CYGB: variants seen among roughly 807,000 people sequenced by gnomAD.
CYGB encodes the protein cytoglobin.
A neutral mutation model predicts 20.7 loss-of-function variants in CYGB; 13 were observed. That is an observed-to-expected ratio of 0.63 (90% CI 0.41 to 1.00). The LOEUF (loss-of-function observed/expected upper bound fraction) is 1.00. CYGB is among the 50% of genes least tolerant of loss of function. The probability of loss-of-function intolerance (pLI) is 0.00; values close to 1 mark genes in which losing one functional copy is unlikely to be tolerated. For missense variants in CYGB, 218 were observed against 257.2 expected (o/e 0.85, Z 1.04); for synonymous variants, 93 against 107.4 (o/e 0.87, Z 0.83).
upstream of CYGB, chr17:76,542,674 C>A (rs2143161988): frequency 1.5e-6 from 2 of 1,340,958 alleles, no homozygotes; most frequent in Non-Finnish European, 2.1e-6. Flanking sequence ...GAGGGCAAGG[C>A]TTGGGACAGG....
rs1219506531 is a variant in CYGB at position 76,546,153 on chromosome 17, C to G, written c.-53+4709G>C. 6.6e-6 allele frequency: 1 copy of G among 152,350 alleles called. No individual in the cohort carries two copies. The highest frequency in any genetic ancestry group is 1.5e-5 in the Non-Finnish European group (1 of 68,186). The allele number at this position is 152,350 out of a possible 1,614,324, so 9.4% of individuals were successfully genotyped here. On this transcript the variant is annotated intron_variant, in intron 1 of 3. Coordinates refer to the CYGB transcript ENST00000589145. The surrounding 1 kb of genome is among the most constrained non-coding windows in gnomAD (Gnocchi z 4.5). Reference sequence around the variant, plus strand: ...TGTGGTACCTTCCTCCGTGTGAATGCTAATATCTCTGCTGGGGGAGCCTGA... The same window carrying G: ...TGTGGTACCTTCCTCCGTGTGAATGGTAATATCTCTGCTGGGGGAGCCTGA...
upstream of CYGB, chr17:76,538,501 C>G (rs532445018): frequency 2.1e-6 from 1 of 466,652 alleles, no homozygotes; most frequent in Admixed American, 2.4e-5. Context: ...ATGAATGACA[C>G]GGACAGGCAA....
upstream of CYGB, among the ~76,000 whole-genome samples, chr17:76,541,975 G>A (rs2143157026): frequency 6.6e-6 from 1 of 152,304 alleles, no homozygotes; most frequent in South Asian, 2.1e-4. Context: ...CTGTGCTTTA[G>A]TTTTCTCCAG....
Position 76,528,927 on chromosome 17 carries a change from C to T in CYGB, c.540-316G>A. The T allele has an allele frequency of 1.7e-6, 2 of 1,154,030 alleles. No homozygotes were observed. Among genetic ancestry groups the T allele is most frequent in the South Asian group, 8.8e-5 (2 of 22,782 alleles). The allele number at this position is 1,154,030 out of a possible 1,614,324, so 71.5% of individuals were successfully genotyped here. A position where few individuals can be genotyped will look rare whatever the true frequency, so the allele number is the denominator to read the frequency against. On this transcript the variant is annotated intron_variant, in intron 3 of 3. Coordinates refer to ENST00000293230, the MANE Select transcript of CYGB (RefSeq NM_134268.5). The surrounding 1 kb of genome is among the most constrained non-coding windows in gnomAD (Gnocchi z 5.8). ...GCAAAGCACGATACCAATGTGAGCTCTTTTTCCATTAATTCTGAAACGTGG... is the reference window on the plus strand; with the variant it reads ...GCAAAGCACGATACCAATGTGAGCTTTTTTTCCATTAATTCTGAAACGTGG...
rs753998867 is a variant in CYGB, at chr17:76,546,471, T to TGTGTGTGTGTGC, written c.-53+4390_-53+4391insGCACACACACAC. On this transcript the variant is annotated intron_variant, in intron 1 of 3. Transcript: ENST00000589145. The surrounding 1 kb of genome is among the most constrained non-coding windows in gnomAD (Gnocchi z 4.5). ...TGGTTTGTGTGTGTGTGTGTGTGTG[T>TGTGTGTGTGTGC]GCGCGCAGTCCTGGGCAAGGGCAAA... The TGTGTGTGTGTGC allele has an allele frequency of 6.6e-6, 1 of 151,082 alleles. No homozygotes were observed. The highest frequency in any genetic ancestry group is 2.5e-5 in the African/African-American group (1 of 40,428). The allele number at this position is 151,082 out of a possible 1,614,324, so 9.4% of individuals were successfully genotyped here.
In CYGB at chr17:76,531,165, G is replaced by A; in HGVS notation, c.376-23C>T. On this transcript the variant is annotated intron_variant, in intron 2 of 3. Transcript: ENST00000293230. This position sits in a 1 kb window ranked among gnomAD's most constrained non-coding sequence, Gnocchi z 7.4. ...GATCTGGGGGCAAAGGGAGGAAGGG[G>A]GAGTGAACGCCCGGGCGCCCTGCGT... 6.2e-7 allele frequency: 1 copy of A among 1,605,816 alleles called. No homozygotes were observed. The highest frequency in any genetic ancestry group is 1.3e-5 in the African/African-American group (1 of 74,916).
chr17:76,547,824 ACACACAC>A (rs1448145090), intron 1 of CYGB, among the ~76,000 whole-genome samples: 1 of 140,672 alleles, frequency 7.1e-6, no homozygotes, highest in African/African-American at 3.0e-5. Context: ...ATTCACACAC[ACACACAC>A]AACACACATT....
rs745701930 is a variant in CYGB, at chr17:76,528,997, TGTATTCTC to T, written c.540-394_540-387del. 5.5e-5 allele frequency: 55 copies of T among 1,003,232 alleles called. No individual in the cohort carries two copies. The highest frequency in any genetic ancestry group is 6.4e-5 in the Non-Finnish European group (54 of 842,068). The allele number at this position is 1,003,232 out of a possible 1,614,324, so 62.1% of individuals were successfully genotyped here. On this transcript the variant is annotated intron_variant, in intron 3 of 3. Coordinates refer to ENST00000293230, the MANE Select transcript of CYGB (RefSeq NM_134268.5). The surrounding 1 kb of genome is among the most constrained non-coding windows in gnomAD (Gnocchi z 5.8). ...CTCGTCCCTCCTCGGGCCACCCATC[TGTATTCTC>T]GTATTCTCGGTACACACAGCGCCCC...
rs531361342 is a variant in CYGB at position 76,547,672 on chromosome 17, C to A, written c.-53+3190G>T. 6.6e-5 allele frequency among the ~76,000 whole-genome samples: 10 copies of A among 151,276 alleles called. 1 individual carries two copies. Among genetic ancestry groups the A allele is most frequent in the South Asian group, 2.1e-4 (1 of 4,766 alleles). On this transcript the variant is annotated intron_variant, in intron 1 of 3. Transcript: ENST00000589145. ...ACACACACACACACACATATTCACA[C>A]ACAGAGACACCCACATTCACACACA...
At chr17:76,548,699 G>T (rs2075079652) in intron 1 of CYGB, among the ~76,000 whole-genome samples, 1 of 152,230 alleles carries the variant, frequency 6.6e-6, no homozygotes, top group Admixed American at 6.5e-5. Flanking sequence ...CTCTCTGGGG[G>T]CCCCACCGAC....
chr17:76,527,605 G>A lies in CYGB; in HGVS notation c.*973C>T, dbSNP rs1444516837. 1 of 453,006 alleles carries A rather than the reference G, an allele frequency of 2.2e-6. No individual in the cohort carries two copies. Among genetic ancestry groups the A allele is most frequent in the Non-Finnish European group, 4.4e-6 (1 of 225,854 alleles). 28.1% of individuals were successfully genotyped at this position (453,006 alleles called of 1,614,324 possible). ...AGATGAATAGACAGGGCCGACTGCC[G>A]GCCAGGAGGAGGGTGGGGTGGGGAA... On this transcript the variant is annotated 3_prime_UTR_variant, in exon 4 of 4. Coordinates refer to ENST00000293230, the MANE Select transcript of CYGB (RefSeq NM_134268.5).
intron 3 of CYGB, chr17:76,529,966 G>A: frequency 1.0e-6 from 1 of 985,346 alleles, no homozygotes; most frequent in South Asian, 4.7e-5. Flanking sequence ...CAGCAGGAAG[G>A]GCAGGAGGCC....
Position 76,531,673 on chromosome 17 carries a change from G to T in CYGB, c.162C>A (p.Pro54=). The T allele has an allele frequency of 6.3e-7, 1 of 1,596,440 alleles. No individual in the cohort carries two copies. Among genetic ancestry groups the T allele is most frequent in the South Asian group, 1.1e-5 (1 of 90,652 alleles). Residue 54 remains proline (P), a synonymous_variant, in exon 2 of 4, where the codon CCC becomes CCA. Transcript: ENST00000293230. This position sits in a 1 kb window ranked among gnomAD's most constrained non-coding sequence, Gnocchi z 7.4. Reference sequence around the variant, plus strand: ...ACTGGCTGAAGTACTGCTTGGCCGAGGGGAAGTTCACAAAGAACCTGGCAA... The same window carrying T: ...ACTGGCTGAAGTACTGCTTGGCCGATGGGAAGTTCACAAAGAACCTGGCAA... ...AILVRFFVNF[P]SAKQYFSQFK...
Position 76,530,016 on chromosome 17 carries a change from C to A in CYGB, c.539+963G>T. ...GCCCTCAGGGGACCTCCTCCAGGAG[C>A]TGTGCCTGTGAACAGAAGGGCCGGC... On this transcript the variant is annotated intron_variant, in intron 3 of 3. Coordinates refer to ENST00000293230, the MANE Select transcript of CYGB (RefSeq NM_134268.5). The surrounding 1 kb of genome is among the most constrained non-coding windows in gnomAD (Gnocchi z 6.1). 1.0e-6 allele frequency: 1 copy of A among 985,372 alleles called. No individual in the cohort carries two copies. Among genetic ancestry groups the A allele is most frequent in the Non-Finnish European group, 1.2e-6 (1 of 829,910 alleles). 61.0% of individuals were successfully genotyped at this position (985,372 alleles called of 1,614,324 possible). A position where few individuals can be genotyped will look rare whatever the true frequency, so the allele number is the denominator to read the frequency against.
intron 1 of CYGB, among the ~76,000 whole-genome samples, chr17:76,549,718 A>G (rs1224939031): frequency 2.0e-5 from 3 of 152,260 alleles, no homozygotes; most frequent in Admixed American, 1.3e-4. Context: ...AGATATATAA[A>G]GATAGAATAA....
chr17:76,540,084 G>A (rs2074967789), upstream of CYGB: 3 of 1,544,464 alleles, frequency 1.9e-6, no homozygotes, highest in Non-Finnish European at 2.6e-6. The surrounding 1 kb of genome is among the most constrained non-coding windows in gnomAD (Gnocchi z 5.0). Flanking sequence ...GGCCATTTTG[G>A]CCCCTCGCCT....
At chr17:76,541,407 A>G (rs2074992261), upstream of CYGB, among the ~76,000 whole-genome samples, 4 of 152,214 alleles carry the variant, frequency 2.6e-5, no homozygotes, top group Admixed American at 6.5e-5. Flanking sequence ...GTCTCCACAC[A>G]GGGAAGACTC....
In CYGB at chr17:76,530,075, A is replaced by G; in HGVS notation, c.539+904T>C. 1.0e-6 allele frequency: 1 copy of G among 985,272 alleles called. No homozygotes were observed. The highest frequency in any genetic ancestry group is 5.2e-4 in the Middle Eastern group (1 of 1,914). 61.0% of individuals were successfully genotyped at this position (985,272 alleles called of 1,614,324 possible). On this transcript the variant is annotated intron_variant, in intron 3 of 3. Coordinates refer to ENST00000293230, the MANE Select transcript of CYGB (RefSeq NM_134268.5). This position sits in a 1 kb window ranked among gnomAD's most constrained non-coding sequence, Gnocchi z 6.1. ...GGGCCCGTGCAGAGCCCGGCGGGAGACGCCGCCTTTTCCATGGGAAACTGC... is the reference window on the plus strand; with the variant it reads ...GGGCCCGTGCAGAGCCCGGCGGGAGGCGCCGCCTTTTCCATGGGAAACTGC...
intron 3 of CYGB, chr17:76,529,662 A>G: frequency 1.0e-6 from 1 of 985,228 alleles, no homozygotes; most frequent in Non-Finnish European, 1.2e-6. Flanking sequence ...AGGGCAGGCA[A>G]GCCCCCTCCC....
Sources: allele counts gnomAD v4.1 joint callset (sites outside exome capture counted in the v4.1 genomes callset), GRCh38; gene constraint gnomAD v4.1.1; non-coding constraint Gnocchi (gnomAD v3.1); transcripts MANE v1.5; gene names NCBI Gene and HGNC (gene_info 2026-07-23, HGNC 2026-07-21).